The following KCTD16 variants were observed in gnomAD, a reference collection of about 807,000 sequenced individuals.
KCTD16 encodes potassium channel tetramerization domain containing 16, also known as BTB/POZ domain-containing protein KCTD16.
KCTD16 carries 13 observed loss-of-function variants against 33.2 expected under a neutral mutation model. The ratio of observed to expected loss-of-function variants is 0.39; its 90% CI spans 0.25 to 0.62. KCTD16 has a LOEUF of 0.62. KCTD16 is among the 20% of genes least tolerant of loss of function. The pLI, the probability that KCTD16 is intolerant of heterozygous loss-of-function variation, is 0.50. For missense variants in KCTD16, 441 were observed against 525.1 expected, an observed-to-expected ratio of 0.84 and a Z score of 1.57; for synonymous variants, 197 against 195.3, an observed-to-expected ratio of 1.01 and a Z score of -0.07.
At chr5:144,394,977 C>T (rs1262219947) in intron 3 of KCTD16, among the ~76,000 whole-genome samples, 2 of 152,228 alleles carry the variant, frequency 1.3e-5, no homozygotes, top group Non-Finnish European at 2.9e-5. Context: ...ACTAGTCTTG[C>T]TTAACCCAGT....
intron 3 of KCTD16, among the ~76,000 whole-genome samples, chr5:144,408,849 T>G (rs1248926186): frequency 2.6e-5 from 4 of 152,182 alleles, no homozygotes; most frequent in Non-Finnish European, 5.9e-5. Flanking sequence ...TTCATGTTCC[T>G]TATTCCTCCC....
At chr5:144,316,823 TC>T (rs199515285) in intron 3 of KCTD16, among the ~76,000 whole-genome samples, 1 of 125,772 alleles carries the variant, frequency 8.0e-6, no homozygotes, top group African/African-American at 3.4e-5. Context: ...CTGGCCAGCA[TC>T]CCTTTTTTTT....
chr5:144,444,505 A>C (rs1438152566), intron 3 of KCTD16, among the ~76,000 whole-genome samples: 1 of 152,112 alleles, frequency 6.6e-6, no homozygotes, highest in Non-Finnish European at 1.5e-5. Context: ...AAAGATGCAT[A>C]GTTTTTGTAC....
intron 3 of KCTD16, among the ~76,000 whole-genome samples, chr5:144,267,007 T>TA (rs1234867015): frequency 1.3e-5 from 2 of 152,280 alleles, no homozygotes; most frequent in South Asian, 2.1e-4. Flanking sequence ...TTTATATATA[T>TA]TTTTTTCCTT....
At chr5:144,405,597 C>G (rs1388520619) in intron 3 of KCTD16, among the ~76,000 whole-genome samples, 1 of 152,144 alleles carries the variant, frequency 6.6e-6, no homozygotes, top group African/African-American at 2.4e-5. Flanking sequence ...GAAGCCTTAT[C>G]CTGCTAAGGT....
intron 3 of KCTD16, among the ~76,000 whole-genome samples, chr5:144,380,644 C>T (rs181523885): frequency 1.1e-3 from 168 of 152,074 alleles, no homozygotes; most frequent in African/African-American, 3.9e-3. Context: ...AAACCAGACA[C>T]ATAGATCAAT....
intron 3 of KCTD16, among the ~76,000 whole-genome samples, chr5:144,281,848 T>C (rs905864828): frequency 6.6e-6 from 1 of 152,232 alleles, no homozygotes; most frequent in Admixed American, 6.5e-5. Context: ...CATTTGTGCT[T>C]CATGTATTTT....
At position 144,272,769 on chromosome 5, in the gene KCTD16, A is replaced by G. The variant is rs146595700; in HGVS notation, c.832+65223A>G. Among the ~76,000 whole-genome samples the G allele has an allele frequency of 3.4e-3, 525 of 152,240 alleles. 3 individuals are homozygous for G. Among genetic ancestry groups the G allele is most frequent in the African/African-American group, 0.012 (502 of 41,560 alleles). ...CAACAAATGGTTCTGAGAAAATTGG[A>G]TATCCATATGCAAAATCATAATTTC... is the stretch of plus-strand genomic sequence containing the variant. On this transcript the variant is annotated intron_variant, in intron 3 of 3. Coordinates refer to ENST00000512467, the MANE Select transcript of KCTD16 (RefSeq NM_020768.4).
intron 3 of KCTD16, among the ~76,000 whole-genome samples, chr5:144,272,728 G>A (rs1755332266): frequency 6.6e-6 from 1 of 152,094 alleles, no homozygotes; most frequent in African/African-American, 2.4e-5. Context: ...TTCAGTGGGG[G>A]AAAGGATAGT....
chr5:144,371,433 T>C (rs555539555), intron 3 of KCTD16, among the ~76,000 whole-genome samples: 1 of 152,278 alleles, frequency 6.6e-6, no homozygotes, highest in Non-Finnish European at 1.5e-5. Context: ...AAACATTAAC[T>C]TACCGTGAAA....
intron 3 of KCTD16, among the ~76,000 whole-genome samples, chr5:144,304,835 C>T (rs573751847): frequency 6.6e-6 from 1 of 152,296 alleles, no homozygotes; most frequent in East Asian, 1.9e-4. Context: ...TGACTAATGT[C>T]ATTATCATCA....
chr5:144,449,822 C>T (rs1168120580), intron 3 of KCTD16, among the ~76,000 whole-genome samples: 1 of 151,936 alleles, frequency 6.6e-6, no homozygotes, highest in African/African-American at 2.4e-5. Flanking sequence ...TATACTTAAA[C>T]ATAAGATCTG....
chr5:144,314,641 T>C (rs972104073), intron 3 of KCTD16, among the ~76,000 whole-genome samples: 1 of 152,164 alleles, frequency 6.6e-6, no homozygotes, highest in African/African-American at 2.4e-5. Flanking sequence ...GGATTATGTA[T>C]AAAAGGAATC....
intron 3 of KCTD16, among the ~76,000 whole-genome samples, chr5:144,398,330 G>A (rs1310389078): frequency 6.6e-6 from 1 of 152,116 alleles, no homozygotes; most frequent in East Asian, 1.9e-4. Flanking sequence ...GAGAAGAGCT[G>A]CTTGCATCTG....
intron 3 of KCTD16, among the ~76,000 whole-genome samples, chr5:144,452,955 A>C (rs1316754366): frequency 6.6e-6 from 1 of 152,110 alleles, no homozygotes; most frequent in East Asian, 1.9e-4. Flanking sequence ...CTAATCATAC[A>C]TGAGCTGGAG....
chr5:144,298,888 G>A (rs1302945449), intron 3 of KCTD16, among the ~76,000 whole-genome samples: 2 of 149,512 alleles, frequency 1.3e-5, no homozygotes, highest in South Asian at 2.1e-4. Flanking sequence ...CAGATGCAGC[G>A]CTTTATTATT....
Position 144,186,364 on chromosome 5 carries a change from GA to G in KCTD16, c.-327+11905del, listed in dbSNP as rs200549095. ...ATCTCATTTTTTTTAAAAAAAAAAA[GA>G]AAAAAAAAAAAACTAATGGCTTATT... is the stretch of plus-strand genomic sequence containing the variant. On this transcript the variant is annotated intron_variant, in intron 2 of 3. Coordinates refer to ENST00000512467, the MANE Select transcript of KCTD16 (RefSeq NM_020768.4). Among the ~76,000 whole-genome samples, 749 of 142,284 alleles carry G rather than the reference GA, an allele frequency of 5.3e-3. 6 individuals are homozygous for G. The highest frequency in any genetic ancestry group is 0.011 in the East Asian group (56 of 4,900). 93.3% of individuals were successfully genotyped at this position (142,284 alleles called of 152,430 possible). A position where few individuals can be genotyped will look rare whatever the true frequency, so the allele number is the denominator to read the frequency against.
intron 3 of KCTD16, among the ~76,000 whole-genome samples, chr5:144,296,168 G>T (rs1229138188): frequency 6.6e-6 from 1 of 152,126 alleles, no homozygotes; most frequent in Non-Finnish European, 1.5e-5. Flanking sequence ...TACAGGTACA[G>T]GAGTTGGAGG....
intron 3 of KCTD16, among the ~76,000 whole-genome samples, chr5:144,221,342 C>T (rs1484785400): frequency 3.9e-5 from 6 of 152,066 alleles, no homozygotes; most frequent in Non-Finnish European, 7.4e-5. Context: ...TAGGTATACA[C>T]ATGCCATGGT....
Sources: allele counts gnomAD v4.1 joint callset (sites outside exome capture counted in the v4.1 genomes callset), GRCh38; gene constraint gnomAD v4.1.1; transcripts MANE v1.5; gene names NCBI Gene and HGNC (gene_info 2026-07-23, HGNC 2026-07-21).